TPO: variants seen among roughly 807,000 people sequenced by gnomAD.
The protein encoded by TPO is thyroid microsomal antigen.
In TPO, 78 loss-of-function variants were observed where a neutral mutation model predicts 96.9. The observed-to-expected ratio is 0.81, with a 90% confidence interval of 0.67 to 0.97. The LOEUF (loss-of-function observed/expected upper bound fraction) is 0.97, where lower values mean the gene tolerates loss of function less well. Ranked by LOEUF, TPO falls within the 50% of genes least tolerant of loss-of-function variation. The probability of loss-of-function intolerance (pLI) is 0.00; values close to 1 mark genes in which losing one functional copy is unlikely to be tolerated. For missense variants in TPO, 1,252 were observed against 1,274.8 expected (o/e 0.98, Z 0.27); for synonymous variants, 547 against 538.0 (o/e 1.02, Z -0.23).
At chr2:1,500,633 T>C (rs900609792) in intron 13 of TPO, among the ~76,000 whole-genome samples, 4 of 152,212 alleles carry the variant, frequency 2.6e-5, no homozygotes, top group African/African-American at 9.6e-5. Flanking sequence ...CTCTTCTCTA[T>C]TCAAATTCTA....
At chr2:1,420,034 A>G (rs1663348001) in intron 2 of TPO, among the ~76,000 whole-genome samples, 1 of 152,224 alleles carries the variant, frequency 6.6e-6, no homozygotes, top group South Asian at 2.1e-4. Flanking sequence ...ACTTGAGACT[A>G]TCTGATGAGA....
chr2:1,389,799 T>A (rs1369269349), intron 1 of TPO, among the ~76,000 whole-genome samples: 1 of 152,192 alleles, frequency 6.6e-6, no homozygotes, highest in Non-Finnish European at 1.5e-5. Flanking sequence ...CAACACAGCC[T>A]CCTCTGACCT....
At chr2:1,439,542 T>C (rs145136047) in intron 5 of TPO, 11 of 152,048 alleles carry the variant, frequency 7.2e-5, no homozygotes, top group African/African-American at 2.7e-4. Context: ...CCAATTGTGA[T>C]AAAAATAGCC....
chr2:1,435,081 T>C (rs994874658), intron 4 of TPO, among the ~76,000 whole-genome samples: 12 of 152,064 alleles, frequency 7.9e-5, no homozygotes, highest in Non-Finnish European at 1.5e-4. Context: ...CTACAGGCAC[T>C]CACCACCACA....
chr2:1,509,725 G>GCCCACCCTCTTTTTTCAGGGATAT (rs375563935), intron 14 of TPO, among the ~76,000 whole-genome samples: 2 of 137,696 alleles, frequency 1.5e-5, no homozygotes, highest in East Asian at 4.6e-4. Context: ...GTCAGGCACA[G>GCCCACCCTCTTTTTTCAGGGATAT]CCCACCCTCT....
In TPO at chr2:1,496,060, G is replaced by T. The variant is rs372403056; in HGVS notation, c.2078G>T (p.Arg693Leu). 6.2e-7 allele frequency: 1 copy of T among 1,613,852 alleles called. No individual in the cohort carries two copies. The highest frequency in any genetic ancestry group is 1.3e-5 in the African/African-American group (1 of 74,908). The change falls in exon 12 of 17, where the codon CGG (arginine) becomes CTG (leucine). Residue 693 changes from arginine (R) to leucine (L), a missense_variant. Coordinates refer to ENST00000329066, the MANE Select transcript of TPO (RefSeq NM_001206744.2). Reference sequence around the variant, plus strand: ...GAGCTGGAGAAGCACTCCCTGTCTCGGGTCATCTGTGACAACACTGGCCTC... The same window carrying T: ...GAGCTGGAGAAGCACTCCCTGTCTCTGGTCATCTGTGACAACACTGGCCTC... ...RRELEKHSLS[R>L]VICDNTGLTR...
chr2:1,511,866 C>A (rs1674167626), intron 14 of TPO, among the ~76,000 whole-genome samples: 1 of 152,228 alleles, frequency 6.6e-6, no homozygotes, highest in Non-Finnish European at 1.5e-5. Flanking sequence ...CAGCCCACGA[C>A]AGCCAATTGG....
At chr2:1,502,621 C>T (rs1672988098) in intron 13 of TPO, among the ~76,000 whole-genome samples, 1 of 152,116 alleles carries the variant, frequency 6.6e-6, no homozygotes. Context: ...AACTCCTGAC[C>T]TCAGGTGATC....
intron 1 of TPO, among the ~76,000 whole-genome samples, chr2:1,401,648 A>G (rs1662174638): frequency 6.6e-6 from 1 of 151,858 alleles, no homozygotes; most frequent in Admixed American, 6.6e-5. Flanking sequence ...CCATCCTGCT[A>G]CCTCCTCCTC....
intron 15 of TPO, among the ~76,000 whole-genome samples, chr2:1,530,477 C>T (rs1677838626): frequency 6.7e-6 from 1 of 148,876 alleles, no homozygotes; most frequent in East Asian, 2.0e-4. Flanking sequence ...TGTGCAACAT[C>T]CTCAAATCCC....
intron 5 of TPO, among the ~76,000 whole-genome samples, chr2:1,437,453 C>T (rs558464184): frequency 7.2e-4 from 110 of 152,198 alleles, no homozygotes; most frequent in African/African-American, 1.3e-3. Context: ...AGATGCCCCC[C>T]CCGAGAGAGG....
chr2:1,461,968 G>A (rs1668486645), intron 7 of TPO, among the ~76,000 whole-genome samples: 1 of 152,178 alleles, frequency 6.6e-6, no homozygotes, highest in Admixed American at 6.5e-5. Flanking sequence ...TGGATCTCAA[G>A]GGAAAGGCGG....
chr2:1,377,800 A>G (rs535022149), intron 1 of TPO, among the ~76,000 whole-genome samples: 1 of 152,308 alleles, frequency 6.6e-6, no homozygotes, highest in South Asian at 2.1e-4. Context: ...ATCTTCACCC[A>G]GGATGTGCTT....
intron 13 of TPO, among the ~76,000 whole-genome samples, chr2:1,499,572 C>T (rs958362704): frequency 2.6e-5 from 4 of 152,020 alleles, no homozygotes; most frequent in African/African-American, 4.8e-5. Flanking sequence ...ACACCTGCGG[C>T]GTCTGGGGCC....
intron 5 of TPO, among the ~76,000 whole-genome samples, chr2:1,438,365 G>A (rs559176192): frequency 7.9e-5 from 12 of 152,274 alleles, no homozygotes; most frequent in South Asian, 4.2e-4. Context: ...CTTAAACAGC[G>A]TTAACAAGTC....
intron 2 of TPO, among the ~76,000 whole-genome samples, chr2:1,421,410 C>T (rs1334418557): frequency 1.3e-5 from 2 of 152,180 alleles, no homozygotes; most frequent in Non-Finnish European, 2.9e-5. Context: ...GGAGAGAAAA[C>T]CGCGCCAGGT....
At chr2:1,483,957 T>A (rs1573377197) in intron 8 of TPO, among the ~76,000 whole-genome samples, 1 of 152,230 alleles carries the variant, frequency 6.6e-6, no homozygotes. Context: ...AAGATTCATA[T>A]TCTAGAATTA....
intron 2 of TPO, among the ~76,000 whole-genome samples, chr2:1,422,301 G>GCACCTCTCCTGGACAGACCTCGTGCAGC (rs1663649729): frequency 8.1e-6 from 1 of 124,012 alleles, no homozygotes; most frequent in African/African-American, 3.2e-5. Flanking sequence ...GACCCCGCAG[G>GCACCTCTCCTGGACAGACCTCGTGCAGC]CGCCTCTCCT....
chr2:1,485,566 A>G (rs1671080428), intron 9 of TPO, among the ~76,000 whole-genome samples: 1 of 151,506 alleles, frequency 6.6e-6, no homozygotes, highest in South Asian at 2.1e-4. Flanking sequence ...TCCAGCATCT[A>G]TTGTTTTCCT....
Sources: allele counts gnomAD v4.1 joint callset (sites outside exome capture counted in the v4.1 genomes callset), GRCh38; gene constraint gnomAD v4.1.1; transcripts MANE v1.5; gene names NCBI Gene and HGNC (gene_info 2026-07-23, HGNC 2026-07-21).